The following RCOR3 variants were observed in gnomAD, a reference collection of about 807,000 sequenced individuals.
RCOR3 encodes REST corepressor 3.
In RCOR3, 13 loss-of-function variants were observed where a neutral mutation model predicts 64.1. The observed-to-expected ratio is 0.20, with a 90% CI of 0.13 to 0.32. RCOR3 has a LOEUF of 0.32. Ranked by LOEUF, RCOR3 falls within the 10% of genes least tolerant of loss-of-function variation. The probability of loss-of-function intolerance (pLI) is 1.00; values close to 1 mark genes in which losing one functional copy is unlikely to be tolerated. For synonymous variants in RCOR3, 215 were observed against 239.0 expected (o/e 0.90, Z 0.93); for missense variants, 489 against 701.2 (o/e 0.70, Z 3.42).
chr1:211,298,507 C>G (rs572316018), intron 9 of RCOR3, among the ~76,000 whole-genome samples: 1 of 152,080 alleles, frequency 6.6e-6, no homozygotes, highest in Non-Finnish European at 1.5e-5. Context: ...ATTATGTGCT[C>G]ATTATTGTGC....
At chr1:211,281,361 T>C (rs1166565893) in intron 7 of RCOR3, among the ~76,000 whole-genome samples, 2 of 152,236 alleles carry the variant, frequency 1.3e-5, no homozygotes, top group Non-Finnish European at 2.9e-5. Flanking sequence ...ATTTGATCTC[T>C]CTGTTCTTCT....
intron 10 of RCOR3, among the ~76,000 whole-genome samples, chr1:211,304,609 AAG>A (rs1158267082): frequency 6.6e-6 from 1 of 152,212 alleles, no homozygotes; most frequent in Non-Finnish European, 1.5e-5. Flanking sequence ...TACTTCCCTT[AAG>A]AGATGTACCA....
rs955451240 is a variant in RCOR3, at chr1:211,259,435, C to A, written c.-126C>A. On this transcript the variant is annotated 5_prime_UTR_variant, in exon 1 of 12. Coordinates refer to ENST00000419091, the MANE Select transcript of RCOR3 (RefSeq NM_001136223.3). ...GGCGGCTCCATATTAACAGCCTCCT[C>A]CTCCTCCGCCGCCGCCGCCGTCTCC... The A allele has an allele frequency of 6.3e-6, 6 of 959,532 alleles. No homozygotes were observed. In the South Asian group the frequency reaches 1.0e-4, roughly 16 times the overall value. 59.4% of individuals were successfully genotyped at this position (959,532 alleles called of 1,614,324 possible). A position where few individuals can be genotyped will look rare whatever the true frequency, so the allele number is the denominator to read the frequency against.
chr1:211,297,495 T>C (rs1295127339), intron 9 of RCOR3, among the ~76,000 whole-genome samples: 1 of 152,156 alleles, frequency 6.6e-6, no homozygotes, highest in Non-Finnish European at 1.5e-5. Flanking sequence ...CATTTGGAAG[T>C]TTTTATGTAA....
chr1:211,259,936 TCCCCGCC>T, intron 1 of RCOR3, 165 bp from the exon 2 acceptor site: 1 of 278,662 alleles, frequency 3.6e-6, no homozygotes, highest in Non-Finnish European at 4.7e-6. Context: ...CCCCCCCCGC[TCCCCGCC>T]CCCAATCCGC....
intron 3 of RCOR3, among the ~76,000 whole-genome samples, chr1:211,272,544 A>G (rs1037728772): frequency 3.5e-5 from 5 of 141,556 alleles, no homozygotes; most frequent in South Asian, 2.2e-4. Flanking sequence ...TTTTTTAAGT[A>G]CTTATGTCTA....
intron 10 of RCOR3, among the ~76,000 whole-genome samples, chr1:211,304,390 A>G (rs1336671821): frequency 6.6e-6 from 1 of 152,240 alleles, no homozygotes; most frequent in Non-Finnish European, 1.5e-5. Context: ...ATAATTAAGC[A>G]TGAAAAAGTC....
rs901998517 is a variant in RCOR3, at chr1:211,313,759, A to C, written c.1653A>C (p.Ser551=). The change falls in exon 12 of 12, where the codon TCA becomes TCC. Residue 551 remains serine, a synonymous_variant. Transcript: ENST00000419091. The surrounding 1 kb of genome is among the most constrained non-coding windows in gnomAD (Gnocchi z 4.7). ...GAATTCAGACAGATTCACAGTCCTC[A>C]CTGCACTAAAAATTAAATTGGACAC... The part of the protein sequence containing the change: ...LIGIQTDSQS[S]LH 1.2e-6 allele frequency: 2 copies of C among 1,612,682 alleles called. No individual in the cohort carries two copies. Among genetic ancestry groups the C allele is most frequent in the Non-Finnish European group, 1.7e-6 (2 of 1,178,852 alleles).
At position 211,259,728 on chromosome 1, in the gene RCOR3, T is replaced by A; in HGVS notation, c.166+2T>A. ...GCTGCAGCAGCGACGACGAGCACGG[T>A]GGTAGCCTCGAACTCCTCCCCGCCA... On this transcript the variant is annotated splice_donor_variant, in intron 1 of 11. Transcript: ENST00000419091. LOFTEE classifies it high-confidence loss of function. The A allele has an allele frequency of 6.7e-7, 1 of 1,495,724 alleles. No individual in the cohort carries two copies. Among genetic ancestry groups the A allele is most frequent in the South Asian group, 1.3e-5 (1 of 77,720 alleles). The allele number at this position is 1,495,724 out of a possible 1,614,324, so 92.7% of individuals were successfully genotyped here. A position where few individuals can be genotyped will look rare whatever the true frequency, so the allele number is the denominator to read the frequency against.
intron 7 of RCOR3, among the ~76,000 whole-genome samples, chr1:211,285,642 T>C (rs1698431898): frequency 6.6e-6 from 1 of 152,252 alleles, no homozygotes; most frequent in Admixed American, 6.5e-5. Flanking sequence ...GCCCAGAGTA[T>C]GGAATTTTCA....
chr1:211,289,036 A>G, intron 7 of RCOR3, 142 bp from the exon 8 acceptor site: 2 of 641,904 alleles, frequency 3.1e-6, no homozygotes, highest in Middle Eastern at 4.1e-4. Context: ...GTGTGTATGG[A>G]CTTGTACATA....
At position 211,313,412 on chromosome 1, in the gene RCOR3, C is replaced by CCTCA. The variant is rs1558118426; in HGVS notation, c.1318-10_1318-7dup. On this transcript the variant is annotated splice_polypyrimidine_tract_variant and intron_variant, in intron 11 of 11. Transcript: ENST00000419091. This position sits in a 1 kb window ranked among gnomAD's most constrained non-coding sequence, Gnocchi z 4.7. ...ACATCTCATACGTGTATTTTTGTTTCCTCACCTCTAGGCACAGACCCCACA... is the reference window on the plus strand; with the variant it reads ...ACATCTCATACGTGTATTTTTGTTTCCTCACTCACCTCTAGGCACAGACCCCACA... The CCTCA allele has an allele frequency of 6.2e-7, 1 of 1,601,620 alleles. No homozygotes were observed.
At chr1:211,260,374 C>T (rs1000929821) in intron 2 of RCOR3, among the ~76,000 whole-genome samples, 5 of 152,228 alleles carry the variant, frequency 3.3e-5, no homozygotes, top group Admixed American at 6.5e-5. Context: ...TGGTTCCCTT[C>T]GGAGGCCACT....
chr1:211,304,337 G>A (rs1341059930), intron 10 of RCOR3, among the ~76,000 whole-genome samples, 197 bp downstream of exon 10: 2 of 152,128 alleles, frequency 1.3e-5, no homozygotes, highest in Non-Finnish European at 2.9e-5. Flanking sequence ...TTTGAGTCCT[G>A]AACAGCACGT....
intron 2 of RCOR3, among the ~76,000 whole-genome samples, chr1:211,261,416 A>G (rs1168961245): frequency 2.0e-5 from 3 of 152,200 alleles, no homozygotes; most frequent in Non-Finnish European, 2.9e-5. Flanking sequence ...AAGAGTGTTC[A>G]CTAGATTTGG....
At chr1:211,264,925 A>G (rs2102430613) in intron 2 of RCOR3, among the ~76,000 whole-genome samples, 1 of 152,316 alleles carries the variant, frequency 6.6e-6, no homozygotes, top group Middle Eastern at 3.4e-3. Flanking sequence ...TTTTGTGTGT[A>G]GAGGCTAATT....
intron 7 of RCOR3, among the ~76,000 whole-genome samples, chr1:211,282,173 AAAT>A (rs746497299): frequency 8.5e-5 from 13 of 152,182 alleles, no homozygotes; most frequent in Non-Finnish European, 1.9e-4. Flanking sequence ...TCTTACCAGA[AAAT>A]AATATGAGGG....
intron 5 of RCOR3, 31 bp from the exon 6 acceptor site, chr1:211,278,086 A>T: frequency 6.4e-7 from 1 of 1,554,136 alleles, no homozygotes. Context: ...TATGAATTAA[A>T]CTTGCTGATA....
intron 2 of RCOR3, among the ~76,000 whole-genome samples, chr1:211,263,956 T>TACAG (rs147565355): frequency 0.045 from 6,778 of 152,134 alleles, 470 homozygotes; most frequent in African/African-American, 0.16. Context: ...TAGCTGGGAC[T>TACAG]ACAGGCACAT....
Sources: gnomAD v4.1 joint callset for allele counts (sites outside exome capture counted in the v4.1 genomes callset) on GRCh38, gnomAD v4.1.1 for gene constraint, Gnocchi (gnomAD v3.1) non-coding constraint, MANE v1.5 for transcripts, NCBI Gene and HGNC (gene_info 2026-07-23, HGNC 2026-07-21) for gene names.